The following RBM33 variants were observed in gnomAD, a reference collection of about 807,000 sequenced individuals.
RBM33 encodes RNA-binding protein 33.
In RBM33, 28 loss-of-function variants were observed where a neutral mutation model predicts 132.6. The ratio of observed to expected loss-of-function variants is 0.21; its 90% CI spans 0.16 to 0.29. The LOEUF is 0.29. RBM33 is among the 10% of genes least tolerant of loss of function. The pLI, the probability that RBM33 is intolerant of heterozygous loss-of-function variation, is 1.00. For synonymous variants in RBM33, 634 were observed against 593.0 expected, an observed-to-expected ratio of 1.07 and a Z score of -1.01; for missense variants, 1,291 against 1,518.5, an observed-to-expected ratio of 0.85 and a Z score of 2.49.
At chr7:155,703,895 T>A (rs1800036588) in intron 6 of RBM33, among the ~76,000 whole-genome samples, 1 of 152,186 alleles carries the variant, frequency 6.6e-6, no homozygotes, top group Non-Finnish European at 1.5e-5. Context: ...TACTCTGTAA[T>A]GGGATTAAAA....
chr7:155,649,888 C>G (rs772201363), intron 1 of RBM33, among the ~76,000 whole-genome samples: 7 of 152,214 alleles, frequency 4.6e-5, no homozygotes, highest in Non-Finnish European at 8.8e-5. Flanking sequence ...TTAGCCTCAC[C>G]TTCTGCATAT....
At chr7:155,667,792 AT>A (rs1221148764) in intron 2 of RBM33, among the ~76,000 whole-genome samples, 2 of 152,160 alleles carry the variant, frequency 1.3e-5, no homozygotes, top group African/African-American at 2.4e-5. Flanking sequence ...GAAAGTTGTA[AT>A]TTTTTTAAAT....
intron 5 of RBM33, among the ~76,000 whole-genome samples, chr7:155,693,325 T>C (rs1799699013): frequency 1.2e-5 from 1 of 84,466 alleles, no homozygotes; most frequent in South Asian, 5.4e-4. Flanking sequence ...TCTTGTGATT[T>C]TTTTTTCTTT....
rs572902790 is a variant in RBM33, at chr7:155,714,846, C to T, written c.1201+3391C>T. 4.6e-5 allele frequency among the ~76,000 whole-genome samples: 7 copies of T among 152,208 alleles called. No homozygotes were observed. In the South Asian group the frequency reaches 8.3e-4, roughly 18 times the overall value. ...GCCTAGATCCTGGGACCCTCCCATA[C>T]GTGGGTGAGAAGTATTATGAAGTTG... On this transcript the variant is annotated intron_variant, in intron 8 of 17. Transcript: ENST00000401878.
At chr7:155,729,237 A>G (rs1585497247) in intron 9 of RBM33, among the ~76,000 whole-genome samples, 1 of 152,092 alleles carries the variant, frequency 6.6e-6, no homozygotes, top group Admixed American at 6.5e-5. Context: ...CCCATGATCC[A>G]GTCACCACCC....
intron 2 of RBM33, among the ~76,000 whole-genome samples, chr7:155,666,556 C>T (rs1798807303): frequency 6.6e-6 from 1 of 152,206 alleles, no homozygotes; most frequent in South Asian, 2.1e-4. Context: ...AAAACGATGT[C>T]TTTCCTAGAA....
intron 1 of RBM33, among the ~76,000 whole-genome samples, chr7:155,650,422 T>C (rs1231298085): frequency 6.6e-6 from 1 of 152,238 alleles, no homozygotes; most frequent in Non-Finnish European, 1.5e-5. Flanking sequence ...TTGATAGATT[T>C]CCAGTGCTGA....
chr7:155,662,781 C>T (rs1419513261), intron 1 of RBM33, among the ~76,000 whole-genome samples: 4 of 152,000 alleles, frequency 2.6e-5, no homozygotes, highest in Non-Finnish European at 4.4e-5. Flanking sequence ...TAACAGTCAC[C>T]CAGAATTCAG....
rs1563169301 is a variant in RBM33, at chr7:155,739,774, A to ACAGCCCCCGCCACAGCAC, written c.1803_1820dup (p.Pro603_Pro608dup). 1 of 1,538,006 alleles carries ACAGCCCCCGCCACAGCAC rather than the reference A, an allele frequency of 6.5e-7. No homozygotes were observed. Among genetic ancestry groups the ACAGCCCCCGCCACAGCAC allele is most frequent in the South Asian group, 1.2e-5 (1 of 83,428 alleles). ...AGCCTCAGCCTCAGCAACCTCAGCA[A>ACAGCCCCCGCCACAGCAC]CAGCCCCCGCCACAGCACCAGCCTC... On this transcript the variant is annotated inframe_insertion, in exon 12 of 18. Transcript: ENST00000401878.
At chr7:155,645,658 A>AT (rs1431147244) in intron 1 of RBM33, among the ~76,000 whole-genome samples, 1 of 152,248 alleles carries the variant, frequency 6.6e-6, no homozygotes, top group Non-Finnish European at 1.5e-5. Flanking sequence ...GTAAAATTAC[A>AT]TATCACTGGG....
chr7:155,745,401 G>A lies in RBM33; in HGVS notation c.2778G>A (p.Pro926=), dbSNP rs764910992. 50 of 1,613,352 alleles carry A rather than the reference G, an allele frequency of 3.1e-5. No individual in the cohort carries two copies. The highest frequency in any genetic ancestry group is 4.0e-5 in the Non-Finnish European group (47 of 1,179,688). ...TRTVPQSQTQ[P]LHKVLPIKPA... Reference sequence around the variant, plus strand: ...CAGTTCCTCAAAGTCAGACTCAGCCGCTGCATAAAGTGCTCCCGATCAAAC... The same window carrying A: ...CAGTTCCTCAAAGTCAGACTCAGCCACTGCATAAAGTGCTCCCGATCAAAC... The change falls in exon 14 of 18, where the codon CCG becomes CCA. Residue 926 remains proline (P), a synonymous_variant. Coordinates refer to ENST00000401878, the MANE Select transcript of RBM33 (RefSeq NM_053043.3). The surrounding 1 kb of genome is among the most constrained non-coding windows in gnomAD (Gnocchi z 4.1).
At chr7:155,757,552 T>G (rs1323772367) in intron 14 of RBM33, among the ~76,000 whole-genome samples, 1 of 152,170 alleles carries the variant, frequency 6.6e-6, no homozygotes, top group Non-Finnish European at 1.5e-5. Flanking sequence ...TATGTTAGTG[T>G]AAACTCCTCC....
intron 1 of RBM33, among the ~76,000 whole-genome samples, chr7:155,650,442 G>T (rs1798324240): frequency 6.6e-6 from 1 of 152,136 alleles, no homozygotes; most frequent in African/African-American, 2.4e-5. Flanking sequence ...AACTAAGCAT[G>T]CATTCTGGGG....
chr7:155,745,021 C>G lies in RBM33; in HGVS notation c.2398C>G (p.Leu800Val). The stretch of plus-strand genomic sequence containing the variant: ...CTTAAAGATAGAAGAACAGAAACGC[C>G]TAAGAGAAGAAATCCTGAAACAGAA... ...YRLKIEEQKRLREEILKQKEL... is the reference protein window; with the variant it reads ...YRLKIEEQKRVREEILKQKEL... The change falls in exon 14 of 18, where the codon CTA (leucine) becomes GTA (valine). Residue 800 changes from leucine to valine, a missense_variant. Physicochemically the swap from Leu to Val is conservative, Grantham distance 32. This residue lies in a region of RBM33 where 841 missense variants were observed against 912.0 expected (regional missense o/e 0.92). Coordinates refer to ENST00000401878, the MANE Select transcript of RBM33 (RefSeq NM_053043.3). This position sits in a 1 kb window ranked among gnomAD's most constrained non-coding sequence, Gnocchi z 4.1. The G allele has an allele frequency of 6.2e-7, 1 of 1,609,920 alleles. No individual in the cohort carries two copies. Among genetic ancestry groups the G allele is most frequent in the Middle Eastern group, 1.7e-4 (1 of 6,000 alleles).
chr7:155,668,589 T>A (rs189616049), intron 2 of RBM33, among the ~76,000 whole-genome samples: 2 of 152,284 alleles, frequency 1.3e-5, no homozygotes, highest in Non-Finnish European at 2.9e-5. Flanking sequence ...TACCTCTGCT[T>A]TTCCTGTTAC....
chr7:155,691,441 G>C (rs1799638076), intron 5 of RBM33, among the ~76,000 whole-genome samples: 1 of 151,974 alleles, frequency 6.6e-6, no homozygotes, highest in East Asian at 1.9e-4. Context: ...GATGTTTGTG[G>C]TATTTTGAAG....
chr7:155,718,324 T>A (rs1052379072), intron 8 of RBM33, 61 bp from the exon 9 acceptor site: 6 of 1,291,874 alleles, frequency 4.6e-6, no homozygotes, highest in Non-Finnish European at 6.8e-6. Context: ...TCATATGTTG[T>A]CTTACAGGGG....
chr7:155,742,038 A>G lies in RBM33; in HGVS notation c.2269A>G (p.Thr757Ala). The G allele has an allele frequency of 6.2e-7, 1 of 1,614,020 alleles. No homozygotes were observed. Among genetic ancestry groups the G allele is most frequent in the Non-Finnish European group, 8.5e-7 (1 of 1,179,894 alleles). Residue 757 changes from threonine to alanine, a missense_variant, in exon 13 of 18, where the codon ACG (threonine) becomes GCG (alanine). Physicochemically the swap from Thr to Ala is moderately conservative, Grantham distance 58. This residue lies in a region of RBM33 where 841 missense variants were observed against 912.0 expected (regional missense o/e 0.92). Coordinates refer to ENST00000401878, the MANE Select transcript of RBM33 (RefSeq NM_053043.3). ...VAGSRSSQGK[T>A]EVKVKPASPV... ...GGGTTCCAGAAGCTCACAGGGAAAG[A>G]CGGAAGTGAAAGTCAAGCCAGCTAG... is the stretch of plus-strand genomic sequence containing the variant.
intron 9 of RBM33, among the ~76,000 whole-genome samples, chr7:155,730,893 A>G (rs1458385029): frequency 3.9e-5 from 6 of 152,200 alleles, no homozygotes; most frequent in Admixed American, 3.3e-4. Context: ...AGTTCCAGGG[A>G]AATCTTCCAG....
Sources: gnomAD v4.1 joint callset for allele counts (sites outside exome capture counted in the v4.1 genomes callset) on GRCh38, gnomAD v4.1.1 for gene constraint, gnomAD v4.1.1 regional missense constraint, Gnocchi (gnomAD v3.1) non-coding constraint, MANE v1.5 for transcripts, NCBI Gene and HGNC (gene_info 2026-07-23, HGNC 2026-07-21) for gene names.